The following EZH2 variants were observed in gnomAD, a reference collection of about 807,000 sequenced individuals.
The protein encoded by EZH2 is histone-lysine N-methyltransferase EZH2.
In EZH2, 18 loss-of-function variants were observed where a neutral mutation model predicts 98.4. The observed-to-expected ratio is 0.18, with a 90% CI of 0.13 to 0.27. The LOEUF (loss-of-function observed/expected upper bound fraction) is 0.27, where lower values mean the gene tolerates loss of function less well. Among genes scored for constraint, EZH2 ranks in the 10% least tolerant of loss-of-function variants. EZH2 has a pLI of 1.00. For synonymous variants in EZH2, 338 were observed against 312.3 expected (o/e 1.08, Z -0.87); for missense variants, 470 against 935.1 (o/e 0.50, Z 6.49).
chr7:148,814,824 G>A, intron 14 of EZH2, 90 bp downstream of exon 14: 1 of 1,426,718 alleles, frequency 7.0e-7, no homozygotes, highest in African/African-American at 1.4e-5. Context: ...ACAAGGGAGT[G>A]CTCCCATGTT....
At chr7:148,872,080 C>G (rs140043522) in intron 1 of EZH2, among the ~76,000 whole-genome samples, 2 of 152,240 alleles carry the variant, frequency 1.3e-5, no homozygotes, top group African/African-American at 4.8e-5. Context: ...CCAAGCAACC[C>G]AAATGTCCAC....
intron 15 of EZH2, chr7:148,811,934 C>G (rs965484214): frequency 9.9e-6 from 5 of 504,584 alleles, no homozygotes; most frequent in Non-Finnish European, 1.8e-5. Flanking sequence ...ATAAGAATCT[C>G]TGTCTTACAG....
chr7:148,832,407 A>G (rs1415648638), intron 4 of EZH2, among the ~76,000 whole-genome samples: 1 of 152,142 alleles, frequency 6.6e-6, no homozygotes, highest in Non-Finnish European at 1.5e-5. Flanking sequence ...AATCCTAGGT[A>G]TGGTTACTGC....
chr7:148,810,892 G>A (rs923080147), intron 16 of EZH2, among the ~76,000 whole-genome samples: 12 of 96,066 alleles, frequency 1.2e-4, no homozygotes, highest in African/African-American at 5.7e-4. Context: ...GCGAAACTCT[G>A]TCTCAAAAAA....
chr7:148,875,591 G>A (rs1473538380), intron 1 of EZH2, among the ~76,000 whole-genome samples: 1 of 152,162 alleles, frequency 6.6e-6, no homozygotes, highest in African/African-American at 2.4e-5. Flanking sequence ...TAAAAGACTG[G>A]CAACACGAAG....
intron 8 of EZH2, 65 bp downstream of exon 8, chr7:148,826,389 T>C (rs1807721896): frequency 8.0e-7 from 1 of 1,242,532 alleles, no homozygotes; most frequent in East Asian, 2.7e-5. Flanking sequence ...TTGTAATAAA[T>C]GATAGCACTC....
chr7:148,852,633 CT>C (rs151149006), intron 1 of EZH2, among the ~76,000 whole-genome samples: 1,840 of 152,292 alleles, frequency 0.012, 35 homozygotes, highest in African/African-American at 0.042. Flanking sequence ...TGCCCAAGGA[CT>C]TGTTGGAAGC....
At chr7:148,824,325 A>AC (rs1807043618) in intron 8 of EZH2, among the ~76,000 whole-genome samples, 1 of 152,116 alleles carries the variant, frequency 6.6e-6, no homozygotes, top group African/African-American at 2.4e-5. Flanking sequence ...AAAAAAAAAA[A>AC]AAAACAACAA....
intron 17 of EZH2, 58 bp downstream of exon 17, chr7:148,810,275 G>A (rs1018396699): frequency 2.4e-5 from 32 of 1,317,836 alleles, no homozygotes; most frequent in Admixed American, 2.0e-4. Context: ...ACACTCGGCC[G>A]GCAGAAGGCT....
At position 148,846,383 on chromosome 7, in the gene EZH2, T is replaced by C. The variant is rs373505836; in HGVS notation, c.246+87A>G. The C allele has an allele frequency of 4.4e-5, 65 of 1,468,898 alleles. No individual in the cohort carries two copies. In the East Asian group the frequency reaches 8.5e-4, roughly 19 times the overall value. The allele number at this position is 1,468,898 out of a possible 1,614,324, so 91.0% of individuals were successfully genotyped here. A position where few individuals can be genotyped will look rare whatever the true frequency, so the allele number is the denominator to read the frequency against. On this transcript the variant is annotated intron_variant, in intron 3 of 19. Coordinates refer to ENST00000320356, the MANE Select transcript of EZH2 (RefSeq NM_004456.5). ...AAAAAGATGGACACCCTGAGGTCAATGATTTCCTCCCAATAACCAAACAAA... is the reference window on the plus strand; with the variant it reads ...AAAAAGATGGACACCCTGAGGTCAACGATTTCCTCCCAATAACCAAACAAA...
intron 3 of EZH2, among the ~76,000 whole-genome samples, chr7:148,843,258 G>T (rs1812961625): frequency 6.6e-6 from 1 of 151,112 alleles, no homozygotes; most frequent in Non-Finnish European, 1.5e-5. Context: ...TGTGACTGTA[G>T]TCCTAGCTAC....
chr7:148,812,920 C>G (rs1803496842), intron 15 of EZH2, among the ~76,000 whole-genome samples: 1 of 152,198 alleles, frequency 6.6e-6, no homozygotes, highest in Non-Finnish European at 1.5e-5. Flanking sequence ...AAGACACAAA[C>G]AAAACCAAGA....
intron 3 of EZH2, among the ~76,000 whole-genome samples, chr7:148,833,844 C>T (rs541663569): frequency 1.2e-4 from 19 of 152,242 alleles, no homozygotes; most frequent in Admixed American, 5.9e-4. Context: ...GCATGGTTCT[C>T]GGGCTAGAAT....
intron 3 of EZH2, chr7:148,836,725 T>A: frequency 2.3e-5 from 9 of 391,614 alleles, no homozygotes; most frequent in Non-Finnish European, 3.5e-5. Flanking sequence ...AAAAAGGGGA[T>A]GGGGGGGACT....
intron 1 of EZH2, among the ~76,000 whole-genome samples, chr7:148,882,909 T>C (rs908941520): frequency 1.3e-5 from 2 of 152,238 alleles, no homozygotes; most frequent in Non-Finnish European, 2.9e-5. Context: ...CATTTCTCCA[T>C]GCAGTCTTTT....
intron 6 of EZH2, among the ~76,000 whole-genome samples, chr7:148,828,212 T>C (rs936689659): frequency 6.6e-6 from 1 of 152,332 alleles, no homozygotes; most frequent in Admixed American, 6.5e-5. Context: ...GTACACAACT[T>C]GTACACGGTG....
At chr7:148,856,444 T>A (rs1816851036) in intron 1 of EZH2, among the ~76,000 whole-genome samples, 1 of 152,168 alleles carries the variant, frequency 6.6e-6, no homozygotes, top group Admixed American at 6.5e-5. Context: ...CACATGCAGG[T>A]TAGCTGAAAT....
chr7:148,843,817 G>T (rs958700535), intron 3 of EZH2, among the ~76,000 whole-genome samples: 2 of 151,672 alleles, frequency 1.3e-5, no homozygotes, highest in African/African-American at 4.8e-5. Context: ...GGATGGTCTC[G>T]ATCTCCTGAC....
chr7:148,809,467 T>C (rs1802438462), intron 17 of EZH2, 77 bp from the exon 18 acceptor site: 2 of 1,152,690 alleles, frequency 1.7e-6, no homozygotes, highest in Non-Finnish European at 2.5e-6. Context: ...ATTTTGTAAA[T>C]GCAACTGGTT....
Sources: gnomAD v4.1 joint callset for allele counts (sites outside exome capture counted in the v4.1 genomes callset) on GRCh38, gnomAD v4.1.1 for gene constraint, MANE v1.5 for transcripts, NCBI Gene and HGNC (gene_info 2026-07-23, HGNC 2026-07-21) for gene names.